RAB37: variants seen among roughly 807,000 people sequenced by gnomAD.
The protein encoded by RAB37 is RAB37, member RAS oncogene family.
Under a neutral mutation model 33.1 loss-of-function variants are expected in RAB37, and 29 were observed. That is an observed-to-expected ratio of 0.88 (90% CI 0.65 to 1.20). The LOEUF (loss-of-function observed/expected upper bound fraction) is 1.20, where lower values mean the gene tolerates loss of function less well. Among genes scored for constraint, RAB37 ranks in the 50% most tolerant of loss-of-function variants. RAB37 has a pLI of 0.00. For synonymous variants in RAB37, 128 were observed against 119.5 expected, an observed-to-expected ratio of 1.07 and a Z score of -0.47; for missense variants, 299 against 301.1, an observed-to-expected ratio of 0.99 and a Z score of 0.05.
intron 1 of RAB37, among the ~76,000 whole-genome samples, chr17:74,697,850 T>C (rs546875382): frequency 6.6e-6 from 1 of 151,986 alleles, no homozygotes; most frequent in East Asian, 1.9e-4. Flanking sequence ...TGGAGGGCTG[T>C]GTGTGTGTGT....
In RAB37 at chr17:74,745,153, G is replaced by GGCCCCTGGCCCA. The variant is rs1415823560; in HGVS notation, c.566+78_566+89dup. ...ACACTCCAGGAATCCAGTAGGGCCC[G>GGCCCCTGGCCCA]GCCCCTGGCCCAGCCCCTGGACACA... On this transcript the variant is annotated intron_variant, in intron 8 of 8. Transcript: ENST00000392613. The surrounding 1 kb of genome is among the most constrained non-coding windows in gnomAD (Gnocchi z 4.5). 1.5e-5 allele frequency: 24 copies of GGCCCCTGGCCCA among 1,572,294 alleles called. No homozygotes were observed. The Admixed American group carries it at 1.7e-4, about 11-fold the overall frequency.
At chr17:74,695,696 C>T (rs1417225959) in intron 1 of RAB37, 6 of 1,613,858 alleles carry the variant, frequency 3.7e-6, no homozygotes, top group Non-Finnish European at 5.1e-6. Flanking sequence ...CCTGCCCCAG[C>T]CTCACAGCAG....
upstream of RAB37, among the ~76,000 whole-genome samples, chr17:74,732,706 G>T (rs544938457): frequency 1.1e-4 from 6 of 55,808 alleles, no homozygotes; most frequent in East Asian, 2.5e-3. Context: ...GATTTGAGGG[G>T]TGTGTGGTGT....
upstream of RAB37, among the ~76,000 whole-genome samples, chr17:74,734,704 A>G (rs139122041): frequency 4.1e-3 from 628 of 152,166 alleles, 9 homozygotes; most frequent in African/African-American, 0.014. Flanking sequence ...TTAGCCAGGC[A>G]TGATGATGGG....
chr17:74,705,666 C>G (rs1387736481), intron 1 of RAB37, among the ~76,000 whole-genome samples: 1 of 152,108 alleles, frequency 6.6e-6, no homozygotes, highest in East Asian at 1.9e-4. Flanking sequence ...TCAATCATGG[C>G]TCACTGAAGC....
Position 74,737,262 on chromosome 17 carries a change from C to A in RAB37, c.-11C>A, listed in dbSNP as rs762135510. On this transcript the variant is annotated 5_prime_UTR_variant, in exon 1 of 9. Coordinates refer to ENST00000392613, the MANE Select transcript of RAB37 (RefSeq NM_001006638.3). ...CTGCGGGCCGGCACTGCTCACCTCT[C>A]GTCCAGGGACATGACGGGCACGCCA... 20 of 1,556,738 alleles carry A rather than the reference C, an allele frequency of 1.3e-5. No homozygotes were observed. The highest frequency in any genetic ancestry group is 4.7e-5 in the South Asian group (4 of 85,556).
rs576521735 is a variant in RAB37 at position 74,743,428 on chromosome 17, C to CGGGTG, written c.366+90_366+94dup. 69 of 1,361,180 alleles carry CGGGTG rather than the reference C, an allele frequency of 5.1e-5. No homozygotes were observed. In the African/African-American group the frequency reaches 8.9e-4, roughly 17 times the overall value. 84.3% of individuals were successfully genotyped at this position (1,361,180 alleles called of 1,614,324 possible). A position where few individuals can be genotyped will look rare whatever the true frequency, so the allele number is the denominator to read the frequency against. On this transcript the variant is annotated intron_variant, in intron 5 of 8. Transcript: ENST00000392613. ...GGGTTGCTTCCTGCCCTGTGGAAAGCGGGTGGAGCGTGGAGTCCTCCTGCC... is the reference window on the plus strand; with the variant it reads ...GGGTTGCTTCCTGCCCTGTGGAAAGCGGGTGGGGTGGAGCGTGGAGTCCTCCTGCC...
At position 74,745,540 on chromosome 17, in the gene RAB37, T is replaced by TGCTAGGA; in HGVS notation, c.*129_*130insGCTAGGA. 2 of 713,096 alleles carry TGCTAGGA rather than the reference T, an allele frequency of 2.8e-6. No individual in the cohort carries two copies. Among genetic ancestry groups the TGCTAGGA allele is most frequent in the Non-Finnish European group, 4.9e-6 (2 of 412,118 alleles). 44.2% of individuals were successfully genotyped at this position (713,096 alleles called of 1,614,324 possible). A position where few individuals can be genotyped will look rare whatever the true frequency, so the allele number is the denominator to read the frequency against. ...GAGGACTCACTGCACAGCCGCTTCC[T>TGCTAGGA]AGCAGGGAGCTATACTCCAACTCCT... On this transcript the variant is annotated 3_prime_UTR_variant, in exon 9 of 9. Transcript: ENST00000392613. The surrounding 1 kb of genome is among the most constrained non-coding windows in gnomAD (Gnocchi z 4.5).
chr17:74,735,681 T>C (rs2034464292), upstream of RAB37, among the ~76,000 whole-genome samples: 1 of 152,314 alleles, frequency 6.6e-6, no homozygotes, highest in South Asian at 2.1e-4. Context: ...TCCCGCCCTA[T>C]GCCCAGCTGA....
intron 1 of RAB37, among the ~76,000 whole-genome samples, chr17:74,709,146 C>A (rs2033768824): frequency 6.6e-6 from 1 of 151,860 alleles, no homozygotes; most frequent in Admixed American, 6.6e-5. Context: ...ATCGCTTAAA[C>A]CCAGGAGGCG....
rs548948962 is a variant in RAB37, at chr17:74,683,862, C to T, written c.72+12204C>T. On this transcript the variant is annotated intron_variant, in intron 1 of 7. Coordinates refer to the RAB37 transcript ENST00000340415. ...GGCATTCACTGTCGAGGGGTGGTTGCGTCCCCAGGACAGCATCTGCGAGGG... is the reference window on the plus strand; with the variant it reads ...GGCATTCACTGTCGAGGGGTGGTTGTGTCCCCAGGACAGCATCTGCGAGGG... Among the ~76,000 whole-genome samples, 184 of 152,184 alleles carry T rather than the reference C, an allele frequency of 1.2e-3. 3 individuals are homozygous for T. The highest frequency in any genetic ancestry group is 0.01 in the Middle Eastern group (3 of 294).
At chr17:74,692,242 T>C (rs1422157377) in intron 1 of RAB37, among the ~76,000 whole-genome samples, 1 of 152,168 alleles carries the variant, frequency 6.6e-6, no homozygotes, top group Non-Finnish European at 1.5e-5. Flanking sequence ...TTAAGATCTC[T>C]CTGTGGGCGC....
At chr17:74,711,194 A>G (rs1208439151) in intron 1 of RAB37, among the ~76,000 whole-genome samples, 1 of 152,138 alleles carries the variant, frequency 6.6e-6, no homozygotes, top group Non-Finnish European at 1.5e-5. Context: ...AGAGGCTGGC[A>G]AGAGCTGATG....
intron 1 of RAB37, among the ~76,000 whole-genome samples, chr17:74,697,175 C>T (rs1028326522): frequency 6.6e-6 from 1 of 152,136 alleles, no homozygotes; most frequent in Non-Finnish European, 1.5e-5. Flanking sequence ...AACTCCTGAC[C>T]TCAAGTGATC....
At chr17:74,698,698 C>T (rs1459644826) in intron 1 of RAB37, 6 of 1,207,994 alleles carry the variant, frequency 5.0e-6, no homozygotes, top group Non-Finnish European at 6.6e-6. Context: ...GACACCAGGG[C>T]CTACTTGAGG....
chr17:74,739,693 C>T (rs1244269312), intron 1 of RAB37, among the ~76,000 whole-genome samples: 5 of 151,828 alleles, frequency 3.3e-5, no homozygotes, highest in African/African-American at 1.2e-4. Context: ...CCACTCCTGG[C>T]TAGTTTTTTG....
At chr17:74,695,684 C>G in intron 1 of RAB37, 1 of 1,613,186 alleles carries the variant, frequency 6.2e-7, no homozygotes, top group Non-Finnish European at 8.5e-7. Context: ...GGCCTGTGTC[C>G]CCCTGCCCCA....
chr17:74,710,865 T>A (rs1420527656), intron 1 of RAB37, among the ~76,000 whole-genome samples: 18 of 149,536 alleles, frequency 1.2e-4, no homozygotes, highest in Non-Finnish European at 1.9e-4. Flanking sequence ...AGACTCTGTC[T>A]CAAAAAAAAA....
intron 1 of RAB37, among the ~76,000 whole-genome samples, chr17:74,684,853 TGA>T (rs2032022089): frequency 8.1e-6 from 1 of 124,064 alleles, no homozygotes; most frequent in South Asian, 2.7e-4. Context: ...TACATATGTG[TGA>T]GATAGATAGA....
Sources: allele counts gnomAD v4.1 joint callset (sites outside exome capture counted in the v4.1 genomes callset), GRCh38; gene constraint gnomAD v4.1.1; non-coding constraint Gnocchi (gnomAD v3.1); transcripts MANE v1.5; gene names NCBI Gene and HGNC (gene_info 2026-07-23, HGNC 2026-07-21).